Variants in DPP6 observed in about 807,000 individuals in gnomAD.
DPP6 encodes dipeptidyl peptidase like 6, also known as A-type potassium channel modulatory protein DPP6.
DPP6 carries 69 observed loss-of-function variants against 122.6 expected under a neutral mutation model. That is an observed-to-expected ratio of 0.56 (90% confidence interval 0.46 to 0.69). DPP6 has a LOEUF of 0.69. Among genes scored for constraint, DPP6 ranks in the 30% least tolerant of loss-of-function variants. DPP6 has a pLI of 0.00. For missense variants in DPP6, 928 were observed against 1,116.9 expected, an observed-to-expected ratio of 0.83 and a Z score of 2.41; for synonymous variants, 418 against 433.1, an observed-to-expected ratio of 0.97 and a Z score of 0.43.
chr7:154,631,414 T>C (rs927944370), intron 5 of DPP6, among the ~76,000 whole-genome samples: 3 of 152,196 alleles, frequency 2.0e-5, no homozygotes, highest in Non-Finnish European at 4.4e-5. Flanking sequence ...AGAACTCATT[T>C]TGAGAATGCT....
intron 1 of DPP6, among the ~76,000 whole-genome samples, chr7:154,177,366 A>G (rs1399239701): frequency 2.0e-5 from 3 of 152,258 alleles, no homozygotes; most frequent in African/African-American, 7.2e-5. Flanking sequence ...AAAACTAAAG[A>G]GACATATGAC....
intron 1 of DPP6, among the ~76,000 whole-genome samples, chr7:154,355,751 T>C (rs1811224238): frequency 6.6e-6 from 1 of 152,220 alleles, no homozygotes; most frequent in Admixed American, 6.5e-5. Context: ...TGTAAGTTAC[T>C]ATATCTTGTT....
chr7:153,827,723 C>G, the DPP6 span, among the ~76,000 whole-genome samples: 1 of 152,106 alleles, frequency 6.6e-6, no homozygotes, highest in Admixed American at 6.5e-5. Context: ...GACTGGAGAG[C>G]TTTGCCAGGC....
At chr7:154,111,128 G>A (rs1483738924) in intron 1 of DPP6, among the ~76,000 whole-genome samples, 2 of 152,170 alleles carry the variant, frequency 1.3e-5, no homozygotes, top group East Asian at 3.9e-4. Context: ...AGTACCATGG[G>A]CTGTGCTTGA....
rs368362408 is a variant in DPP6 at position 154,463,195 on chromosome 7, CTTTTTT to C, written c.359-11719_359-11714del. Among the ~76,000 whole-genome samples the C allele has an allele frequency of 4.0e-3, 337 of 83,998 alleles. 1 individual carries two copies. Among genetic ancestry groups the C allele is most frequent in the African/African-American group, 0.016 (319 of 20,432 alleles). 55.1% of individuals were successfully genotyped at this position (83,998 alleles called of 152,430 possible). A position where few individuals can be genotyped will look rare whatever the true frequency, so the allele number is the denominator to read the frequency against. Reference sequence around the variant, plus strand: ...GCTTTTTACCTTTACTTCTCCTTTTCTTTTTTTTTTTTTTTTTTTTTTTTTTTTTTG... The same window carrying C: ...GCTTTTTACCTTTACTTCTCCTTTTCTTTTTTTTTTTTTTTTTTTTTTTTG... On this transcript the variant is annotated intron_variant, in intron 2 of 25. Coordinates refer to ENST00000377770, the MANE Select transcript of DPP6 (RefSeq NM_130797.4).
chr7:154,057,967 A>G (rs1801010783), intron 1 of DPP6: 1 of 150,828 alleles, frequency 6.6e-6, no homozygotes, highest in Non-Finnish European at 1.5e-5. Flanking sequence ...CTGCTAGTAC[A>G]AGAAGCAAAT....
At chr7:153,853,626 G>A in the DPP6 span, among the ~76,000 whole-genome samples, 1,752 of 152,240 alleles carry the variant, frequency 0.012, 15 homozygotes, top group Non-Finnish European at 0.02. Context: ...GAAGTACGCC[G>A]TGAGACAGTG....
rs961936163 is a variant in DPP6, at chr7:154,892,654, C to T, written c.*174C>T. On this transcript the variant is annotated 3_prime_UTR_variant, in exon 26 of 26. Coordinates refer to ENST00000377770, the MANE Select transcript of DPP6 (RefSeq NM_130797.4). ...TTGCTTGGGAAACAAGCTCCTTCCC[C>T]GGGGTCATCACTCACGGCCTCCATG... The T allele has an allele frequency of 3.0e-6, 4 of 1,340,768 alleles. No homozygotes were observed. The African/African-American group carries it at 5.8e-5, about 19-fold the overall frequency. 83.1% of individuals were successfully genotyped at this position (1,340,768 alleles called of 1,614,324 possible).
chr7:154,297,063 G>GTTTTTTTTTTT (rs34506058), intron 1 of DPP6, among the ~76,000 whole-genome samples: 5 of 125,258 alleles, frequency 4.0e-5, no homozygotes, highest in Non-Finnish European at 6.4e-5. Context: ...AATGTATTCT[G>GTTTTTTTTTTT]TTTTTTTTTT....
chr7:154,806,638 A>T (rs1264066665), intron 15 of DPP6, among the ~76,000 whole-genome samples: 1 of 152,210 alleles, frequency 6.6e-6, no homozygotes, highest in East Asian at 1.9e-4. Context: ...ACTCAGAGGG[A>T]CAGGACACGT....
At chr7:154,480,133 C>G (rs1823128564) in intron 3 of DPP6, among the ~76,000 whole-genome samples, 1 of 151,950 alleles carries the variant, frequency 6.6e-6, no homozygotes, top group African/African-American at 2.4e-5. Flanking sequence ...CCTCCTTTCT[C>G]CCCTAAATTT....
chr7:154,651,274 C>T (rs1289516028), intron 6 of DPP6, among the ~76,000 whole-genome samples: 1 of 152,098 alleles, frequency 6.6e-6, no homozygotes, highest in Non-Finnish European at 1.5e-5. Context: ...GTTACAGAAA[C>T]CACATTCATT....
the DPP6 span, among the ~76,000 whole-genome samples, chr7:153,824,138 C>T: frequency 6.6e-6 from 1 of 152,274 alleles, no homozygotes; most frequent in East Asian, 1.9e-4. Context: ...CCCATAATCC[C>T]GGCACTTTGG....
chr7:154,012,145 A>G (rs1431925499), intron 1 of DPP6, among the ~76,000 whole-genome samples: 1 of 152,238 alleles, frequency 6.6e-6, no homozygotes, highest in Non-Finnish European at 1.5e-5. Flanking sequence ...TATTAGAGCC[A>G]GGTTTAGTCC....
At chr7:154,656,464 G>A (rs1490005275) in intron 6 of DPP6, among the ~76,000 whole-genome samples, 1 of 151,974 alleles carries the variant, frequency 6.6e-6, no homozygotes, top group Admixed American at 6.6e-5. Context: ...AGCAGCAGCC[G>A]CAGCATGTGC....
intron 1 of DPP6, among the ~76,000 whole-genome samples, chr7:154,018,454 A>AT (rs1418482611): frequency 6.6e-6 from 1 of 151,934 alleles, no homozygotes; most frequent in African/African-American, 2.4e-5. Flanking sequence ...TCATTCCTTT[A>AT]TTTTTCCCCT....
At chr7:154,678,732 A>G (rs1839090958) in intron 7 of DPP6, among the ~76,000 whole-genome samples, 1 of 152,250 alleles carries the variant, frequency 6.6e-6, no homozygotes, top group African/African-American at 2.4e-5. Flanking sequence ...TTAAAGGGTC[A>G]TTAGTAACAA....
Position 154,768,225 on chromosome 7 carries a change from C to T in DPP6, c.884-1192C>T, listed in dbSNP as rs142822704. ...CAGCTGGTCTCCTCCTGGTGCCTCC[C>T]GCAGAACCTGGGAGGCTGTTGATGT... is the stretch of plus-strand genomic sequence containing the variant. On this transcript the variant is annotated intron_variant, in intron 8 of 25. Coordinates refer to ENST00000377770, the MANE Select transcript of DPP6 (RefSeq NM_130797.4). Among the ~76,000 whole-genome samples, 280 of 152,356 alleles carry T rather than the reference C, an allele frequency of 1.8e-3. 2 individuals are homozygous for T. The highest frequency in any genetic ancestry group is 6.3e-3 in the African/African-American group (263 of 41,592).
chr7:154,556,488 A>C (rs1192346847), intron 4 of DPP6, among the ~76,000 whole-genome samples: 2 of 152,172 alleles, frequency 1.3e-5, no homozygotes, highest in Non-Finnish European at 2.9e-5. Flanking sequence ...GGCATAACTA[A>C]CTCTTCATCT....
Sources: gnomAD v4.1 joint callset for allele counts (sites outside exome capture counted in the v4.1 genomes callset) on GRCh38, gnomAD v4.1.1 for gene constraint, MANE v1.5 for transcripts, NCBI Gene and HGNC (gene_info 2026-07-23, HGNC 2026-07-21) for gene names.